Variants in SLC45A1 observed in about 807,000 individuals in gnomAD.
SLC45A1 encodes solute carrier family 45 member 1.
Under a neutral mutation model 57.6 loss-of-function variants are expected in SLC45A1, and 28 were observed. The observed-to-expected ratio is 0.49, with a 90% CI of 0.36 to 0.67. The LOEUF is 0.67. Among genes scored for constraint, SLC45A1 ranks in the 30% least tolerant of loss-of-function variants. The pLI is 0.00. For synonymous variants in SLC45A1, 459 were observed against 471.5 expected (o/e 0.97, Z 0.34); for missense variants, 814 against 1,041.5 (o/e 0.78, Z 3.01).
chr1:8,339,548 C>G lies in SLC45A1; in HGVS notation c.1830C>G (p.Ala610=), dbSNP rs1280672900. 6.2e-7 allele frequency: 1 copy of G among 1,614,250 alleles called. No homozygotes were observed. The highest frequency in any genetic ancestry group is 1.7e-5 in the Admixed American group (1 of 60,024). The change falls in exon 8 of 9, where the codon GCC becomes GCG. Residue 610 remains alanine, a synonymous_variant. Coordinates refer to ENST00000471889, the MANE Select transcript of SLC45A1 (RefSeq NM_001080397.3). ...GCGTCCGCACCCTCTACTTCATCGC[C>G]TATCTCGCCTTCGGCCTGGGGACCG... ...FLSVRTLYFI[A]YLAFGLGTGL... is the part of the protein sequence containing the mutation.
Position 8,326,685 on chromosome 1 carries a change from A to G in SLC45A1, c.715+643A>G, listed in dbSNP as rs1308340799. The stretch of plus-strand genomic sequence containing the variant: ...GTGGCACTAAATAGACCACACAAAA[A>G]ACTCTTGTTTCGGCCAGGCACAGTG... On this transcript the variant is annotated intron_variant, in intron 4 of 8. Coordinates refer to ENST00000471889, the MANE Select transcript of SLC45A1 (RefSeq NM_001080397.3). The surrounding 1 kb of genome is among the most constrained non-coding windows in gnomAD (Gnocchi z 5.5). Among the ~76,000 whole-genome samples, 2 of 152,168 alleles carry G rather than the reference A, an allele frequency of 1.3e-5. No homozygotes were observed. Among genetic ancestry groups the G allele is most frequent in the African/African-American group, 2.4e-5 (1 of 41,440 alleles).
rs916905376 is a variant in SLC45A1, at chr1:8,325,617, C to T, written c.491-201C>T. ...TGAGTTGATAAAGTTCATCTCATTT[C>T]TTCTCTGCTTAATGAAATAAAAACC... On this transcript the variant is annotated intron_variant, in intron 3 of 8. Transcript: ENST00000471889. This position sits in a 1 kb window ranked among gnomAD's most constrained non-coding sequence, Gnocchi z 6.3. Among the ~76,000 whole-genome samples the T allele has an allele frequency of 6.6e-6, 1 of 152,106 alleles. No homozygotes were observed. Among genetic ancestry groups the T allele is most frequent in the African/African-American group, 2.4e-5 (1 of 41,422 alleles).
intron 1 of SLC45A1, 114 bp from the exon 2 acceptor site, chr1:8,324,192 T>C (rs1640120213): frequency 2.9e-5 from 28 of 981,736 alleles, no homozygotes; most frequent in Non-Finnish European, 4.1e-5. Flanking sequence ...GAGCAGTGCA[T>C]TCTGCTTTCG....
In SLC45A1 at chr1:8,333,373, G is replaced by A. The variant is rs975759417; in HGVS notation, c.1444-2064G>A. 2.0e-5 allele frequency among the ~76,000 whole-genome samples: 3 copies of A among 151,898 alleles called. No individual in the cohort carries two copies. The East Asian group carries it at 5.8e-4, about 29-fold the overall frequency. On this transcript the variant is annotated intron_variant, in intron 5 of 8. Transcript: ENST00000471889. ...GCTGGTCTTGAGCTCCTGGGCTCAA[G>A]TGATCCCCCTGCCTTGGCCTCCCAA...
chr1:8,330,617 G>C lies in SLC45A1; in HGVS notation c.1124G>C (p.Ser375Thr), dbSNP rs201437087. ...TCCTTTGGCACGGCCAACATAGACA[G>C]CGTCCTCATTGACTGCTTCACGGGC... ...ASSFGTANID[S>T]VLIDCFTGGH... The change falls in exon 5 of 9, where the codon AGC becomes ACC. Residue 375 changes from serine to threonine, a missense_variant. Ser to Thr is a moderately conservative substitution (Grantham distance 58, BLOSUM62 1). Transcript: ENST00000471889. This position sits in a 1 kb window ranked among gnomAD's most constrained non-coding sequence, Gnocchi z 8.4. 9 of 1,613,644 alleles carry C rather than the reference G, an allele frequency of 5.6e-6. No homozygotes were observed.
Position 8,338,531 on chromosome 1 carries a change from A to G in SLC45A1, c.1774+539A>G, listed in dbSNP as rs143292726. Among the ~76,000 whole-genome samples the G allele has an allele frequency of 1.8e-4, 28 of 152,352 alleles. No individual in the cohort carries two copies. In the East Asian group the frequency reaches 5.2e-3, roughly 28 times the overall value. On this transcript the variant is annotated intron_variant, in intron 7 of 8. Transcript: ENST00000471889. ...GCCATCCCCATGGGGCCTGGCCGGT[A>G]GCGTGCACCGGGCAAATTTTATCCC...
chr1:8,322,764 G>T (rs1365217972), intron 1 of SLC45A1, among the ~76,000 whole-genome samples: 1 of 152,150 alleles, frequency 6.6e-6, no homozygotes, highest in Non-Finnish European at 1.5e-5. Context: ...AATCAATGTT[G>T]GGAAAGTTGT....
In SLC45A1 at chr1:8,330,163, C is replaced by T; in HGVS notation, c.716-46C>T. ...AAGAACGGGGCCACCGCGTTTGGGG[C>T]TTCTCCTCCCGCAGAAGGGAACTCA... On this transcript the variant is annotated intron_variant, in intron 4 of 8. Coordinates refer to ENST00000471889, the MANE Select transcript of SLC45A1 (RefSeq NM_001080397.3). This position sits in a 1 kb window ranked among gnomAD's most constrained non-coding sequence, Gnocchi z 8.4. The T allele has an allele frequency of 6.3e-7, 1 of 1,589,814 alleles. No individual in the cohort carries two copies. Among genetic ancestry groups the T allele is most frequent in the Non-Finnish European group, 8.6e-7 (1 of 1,167,742 alleles).
At chr1:8,318,680 G>T (rs1639900523) in intron 1 of SLC45A1, among the ~76,000 whole-genome samples, 1 of 152,228 alleles carries the variant, frequency 6.6e-6, no homozygotes, top group Non-Finnish European at 1.5e-5. Context: ...TGAGGTGGAA[G>T]CCGTTCAGCT....
At chr1:8,339,399 T>C (rs1640729872) in intron 7 of SLC45A1, 94 bp from the exon 8 acceptor site, 1 of 1,249,354 alleles carries the variant, frequency 8.0e-7, no homozygotes, top group Non-Finnish European at 1.2e-6. Context: ...CCACCACTGC[T>C]AGCTTCAGGT....
At chr1:8,341,166 C>G (rs1431237199) in intron 8 of SLC45A1, among the ~76,000 whole-genome samples, 1 of 144,594 alleles carries the variant, frequency 6.9e-6, no homozygotes, top group Non-Finnish European at 1.5e-5. Context: ...TGCCACCGCA[C>G]TCCAGCCTGG....
Position 8,325,472 on chromosome 1 carries a change from A to T in SLC45A1, c.490+82A>T. On this transcript the variant is annotated intron_variant, in intron 3 of 8. Coordinates refer to ENST00000471889, the MANE Select transcript of SLC45A1 (RefSeq NM_001080397.3). The surrounding 1 kb of genome is among the most constrained non-coding windows in gnomAD (Gnocchi z 6.3). ...CTTCCTTTTAGGAAAATTTTAAAAA[A>T]TGTTGACCAAAGCAGTTACCCAGAT... The T allele has an allele frequency of 9.5e-7, 1 of 1,047,840 alleles. No individual in the cohort carries two copies. The highest frequency in any genetic ancestry group is 1.4e-6 in the Non-Finnish European group (1 of 696,192). The allele number at this position is 1,047,840 out of a possible 1,614,324, so 64.9% of individuals were successfully genotyped here. A position where few individuals can be genotyped will look rare whatever the true frequency, so the allele number is the denominator to read the frequency against.
rs1294324067 is a variant in SLC45A1 at position 8,325,536 on chromosome 1, C to A, written c.490+146C>A. 3 of 653,910 alleles carry A rather than the reference C, an allele frequency of 4.6e-6. No individual in the cohort carries two copies. The highest frequency in any genetic ancestry group is 8.0e-6 in the Non-Finnish European group (3 of 373,724). 40.5% of individuals were successfully genotyped at this position (653,910 alleles called of 1,614,324 possible). A position where few individuals can be genotyped will look rare whatever the true frequency, so the allele number is the denominator to read the frequency against. The stretch of plus-strand genomic sequence containing the variant: ...CACTGGTGTGAGGCAGGGAGTGCCC[C>A]GCAACCTGGCCTCAGTTAACTGTGA... On this transcript the variant is annotated intron_variant, in intron 3 of 8. Coordinates refer to ENST00000471889, the MANE Select transcript of SLC45A1 (RefSeq NM_001080397.3). The surrounding 1 kb of genome is among the most constrained non-coding windows in gnomAD (Gnocchi z 6.3).
Position 8,335,589 on chromosome 1 carries a change from G to T in SLC45A1, c.1596G>T (p.Leu532=), listed in dbSNP as rs149763609. The T allele has an allele frequency of 8.1e-6, 13 of 1,598,780 alleles. No individual in the cohort carries two copies. In the African/African-American group the frequency reaches 1.7e-4, roughly 21 times the overall value. Reference sequence around the variant, plus strand: ...GCACCCTCTGCGTCAACCACTTCCTGGGTGAGCTCCCGGCCAAGCCTCCCC... The same window carrying T: ...GCACCCTCTGCGTCAACCACTTCCTTGGTGAGCTCCCGGCCAAGCCTCCCC... ...ALRTLCVNHF[L]GWLSFEGMLL... Residue 532 remains leucine (L), a splice_region_variant and synonymous_variant, in exon 6 of 9, where the codon CTG becomes CTT. Coordinates refer to ENST00000471889, the MANE Select transcript of SLC45A1 (RefSeq NM_001080397.3). The surrounding 1 kb of genome is among the most constrained non-coding windows in gnomAD (Gnocchi z 4.1).
At position 8,318,121 on chromosome 1, in the gene SLC45A1, C is replaced by G. The variant is rs889640442; in HGVS notation, c.-90C>G. On this transcript the variant is annotated 5_prime_UTR_variant, in exon 1 of 9. Transcript: ENST00000471889. The stretch of plus-strand genomic sequence containing the variant: ...CCCGCCCCGGGTGATGCTGCAGCAG[C>G]CGGGACCGCGGCCGGGCAGGCAGCA... 7 of 475,698 alleles carry G rather than the reference C, an allele frequency of 1.5e-5. No individual in the cohort carries two copies. The Admixed American group carries it at 1.7e-4, about 11-fold the overall frequency. 29.5% of individuals were successfully genotyped at this position (475,698 alleles called of 1,614,324 possible).
At position 8,339,815 on chromosome 1, in the gene SLC45A1, C is replaced by T. The variant is rs141545306; in HGVS notation, c.1980+117C>T. ...AGCCCGGTGCAAAATGTCAAGACAGCGACCACAGAGCATGAAACCAAGGGG... is the reference window on the plus strand; with the variant it reads ...AGCCCGGTGCAAAATGTCAAGACAGTGACCACAGAGCATGAAACCAAGGGG... On this transcript the variant is annotated intron_variant, in intron 8 of 8. Coordinates refer to ENST00000471889, the MANE Select transcript of SLC45A1 (RefSeq NM_001080397.3). 1.1e-4 allele frequency: 109 copies of T among 993,268 alleles called. 1 individual carries two copies. Among genetic ancestry groups the T allele is most frequent in the Middle Eastern group, 4.9e-4 (2 of 4,078 alleles). 61.5% of individuals were successfully genotyped at this position (993,268 alleles called of 1,614,324 possible). A position where few individuals can be genotyped will look rare whatever the true frequency, so the allele number is the denominator to read the frequency against.
At chr1:8,336,711 G>T (rs1255744662) in intron 6 of SLC45A1, among the ~76,000 whole-genome samples, 1 of 152,204 alleles carries the variant, frequency 6.6e-6, no homozygotes, top group African/African-American at 2.4e-5. Flanking sequence ...CCCACACTGT[G>T]AAATATTTTG....
chr1:8,341,421 G>A (rs1425454014), intron 8 of SLC45A1, among the ~76,000 whole-genome samples: 1 of 151,356 alleles, frequency 6.6e-6, no homozygotes, highest in Admixed American at 6.6e-5. Flanking sequence ...TATAGTCCCA[G>A]CTACACGGGA....
In SLC45A1 at chr1:8,335,624, G is replaced by T; in HGVS notation, c.1597+34G>T. On this transcript the variant is annotated intron_variant, in intron 6 of 8. Transcript: ENST00000471889. The surrounding 1 kb of genome is among the most constrained non-coding windows in gnomAD (Gnocchi z 4.1). ...CCGGCCAAGCCTCCCCGTGAGTCCT[G>T]GTCCTGCTCAGGGCTCTCGCCCCAC... The T allele has an allele frequency of 1.3e-6, 2 of 1,564,830 alleles. No individual in the cohort carries two copies.
Sources: allele counts gnomAD v4.1 joint callset (sites outside exome capture counted in the v4.1 genomes callset), GRCh38; gene constraint gnomAD v4.1.1; non-coding constraint Gnocchi (gnomAD v3.1); transcripts MANE v1.5; gene names NCBI Gene and HGNC (gene_info 2026-07-23, HGNC 2026-07-21).